The following DMXL2 variants were observed in gnomAD, a reference collection of about 807,000 sequenced individuals.
DMXL2 encodes the protein dmX-like protein 2.
In DMXL2, 103 loss-of-function variants were observed where a neutral mutation model predicts 331.1. That is an observed-to-expected ratio of 0.31 (90% CI 0.27 to 0.37). The LOEUF is 0.37. Among genes scored for constraint, DMXL2 ranks in the 10% least tolerant of loss-of-function variants. The pLI, the probability that DMXL2 is intolerant of heterozygous loss-of-function variation, is 1.00. For synonymous variants in DMXL2, 1,281 were observed against 1,252.1 expected (o/e 1.02, Z -0.49); for missense variants, 3,171 against 3,642.9 (o/e 0.87, Z 3.33).
Position 51,453,529 on chromosome 15 carries a change from T to C in DMXL2, c.8696+21A>G, listed in dbSNP as rs769469101. The C allele has an allele frequency of 3.2e-6, 5 of 1,561,000 alleles. No homozygotes were observed. The South Asian group carries it at 4.7e-5, about 15-fold the overall frequency. ...TTTCTAACGTTTTTATATTTCTTAC[T>C]TTGCTTTTCTGTCAACCTACCTATT... On this transcript the variant is annotated intron_variant, in intron 41 of 43. Transcript: ENST00000560891.
At chr15:51,559,127 C>G (rs2049791860) in intron 6 of DMXL2, among the ~76,000 whole-genome samples, 1 of 152,082 alleles carries the variant, frequency 6.6e-6, no homozygotes, top group Non-Finnish European at 1.5e-5. Flanking sequence ...AAATAGGACT[C>G]AGAAAAACAC....
chr15:51,537,468 A>C lies in DMXL2; in HGVS notation c.1617+20T>G, dbSNP rs375990567. On this transcript the variant is annotated intron_variant, in intron 11 of 43. Coordinates refer to ENST00000560891, the MANE Select transcript of DMXL2 (RefSeq NM_001378457.1). ...TACTATTTTAAGAAATGTAATAACTATTTCATCAATAAAATATACCTGAAC... is the reference window on the plus strand; with the variant it reads ...TACTATTTTAAGAAATGTAATAACTCTTTCATCAATAAAATATACCTGAAC... 2 of 1,578,944 alleles carry C rather than the reference A, an allele frequency of 1.3e-6. No homozygotes were observed. Among genetic ancestry groups the C allele is most frequent in the South Asian group, 1.1e-5 (1 of 87,588 alleles).
At chr15:51,529,291 A>G (rs1458060572) in intron 13 of DMXL2, among the ~76,000 whole-genome samples, 1 of 152,134 alleles carries the variant, frequency 6.6e-6, no homozygotes. Flanking sequence ...AACAAAGAAA[A>G]TCATACAAAG....
At chr15:51,607,281 C>G (rs910116834) in intron 1 of DMXL2, among the ~76,000 whole-genome samples, 1 of 151,662 alleles carries the variant, frequency 6.6e-6, no homozygotes, top group Non-Finnish European at 1.5e-5. Context: ...ACAGTGAAAC[C>G]CCGTCTCTAC....
chr15:51,520,545 G>C (rs1423624255), intron 13 of DMXL2, among the ~76,000 whole-genome samples: 2 of 152,068 alleles, frequency 1.3e-5, no homozygotes, highest in Non-Finnish European at 2.9e-5. Flanking sequence ...TAAGGCCCTG[G>C]CTGTATTTTT....
At chr15:51,544,394 A>G (rs1035734149) in intron 8 of DMXL2, among the ~76,000 whole-genome samples, 1 of 152,164 alleles carries the variant, frequency 6.6e-6, no homozygotes, top group African/African-American at 2.4e-5. Context: ...TGCCATGGGT[A>G]AAAGATCCCT....
At chr15:51,588,767 A>C (rs2052056795) in intron 1 of DMXL2, among the ~76,000 whole-genome samples, 2 of 152,226 alleles carry the variant, frequency 1.3e-5, no homozygotes, top group African/African-American at 4.8e-5. Context: ...AGTATGATGG[A>C]AAGAGCATAT....
intron 1 of DMXL2, among the ~76,000 whole-genome samples, chr15:51,615,070 T>A (rs1310434900): frequency 6.6e-6 from 1 of 152,128 alleles, no homozygotes; most frequent in Admixed American, 6.5e-5. Context: ...ATACGGGACA[T>A]AAATGGAAGA....
intron 13 of DMXL2, among the ~76,000 whole-genome samples, chr15:51,521,755 A>G (rs2047394505): frequency 6.6e-6 from 1 of 152,200 alleles, no homozygotes; most frequent in South Asian, 2.1e-4. Flanking sequence ...GACTCTATAG[A>G]TACAAGATCC....
chr15:51,456,351 G>T lies in DMXL2; in HGVS notation c.8356C>A (p.His2786Asn). The change falls in exon 38 of 44, where the codon CAT (histidine) becomes AAT (asparagine). Residue 2786 changes from histidine (H) to asparagine (N), a missense_variant. Coordinates refer to ENST00000560891, the MANE Select transcript of DMXL2 (RefSeq NM_001378457.1). ...TGTGAAGTCATTCTCTTAACATTAT[G>T]TAGATTCCTTTTCATAAGCTTTAAA... ...GASVLMKRNL[H>N]NVKRMTSHPV... 1.9e-6 allele frequency: 3 copies of T among 1,588,606 alleles called. No homozygotes were observed. Among genetic ancestry groups the T allele is most frequent in the Non-Finnish European group, 2.6e-6 (3 of 1,169,942 alleles).
chr15:51,577,777 A>G (rs1469214440), intron 1 of DMXL2, among the ~76,000 whole-genome samples: 1 of 152,222 alleles, frequency 6.6e-6, no homozygotes, highest in Non-Finnish European at 1.5e-5. Flanking sequence ...TTGAAATCAC[A>G]CACACAGTTT....
chr15:51,604,091 A>T (rs778882198), intron 1 of DMXL2, among the ~76,000 whole-genome samples: 8 of 152,102 alleles, frequency 5.3e-5, no homozygotes, highest in Non-Finnish European at 7.4e-5. Flanking sequence ...GTACTACAAG[A>T]CTGATTCAAT....
chr15:51,506,518 A>G (rs1167063435), intron 16 of DMXL2, among the ~76,000 whole-genome samples: 3 of 148,362 alleles, frequency 2.0e-5, no homozygotes, highest in African/African-American at 7.5e-5. Context: ...CAGTGGTGCA[A>G]TCTCAGCTCA....
chr15:51,488,210 A>G (rs1213448988), intron 21 of DMXL2, 91 bp from the exon 22 acceptor site: 1 of 1,198,610 alleles, frequency 8.3e-7, no homozygotes, highest in Non-Finnish European at 1.1e-6. Flanking sequence ...CCTCAAACAG[A>G]AATCTAAAAG....
chr15:51,538,255 G>T lies in DMXL2; in HGVS notation c.1303C>A (p.Gln435Lys). ...DADREDEEHS[Q>K]EDRERGLHMK... ...TGTAAACCCCGTTCTCTATCCTCCT[G>T]TGAATGTTCCTCATCTTCTCTATCT... The change falls in exon 10 of 44, where the codon CAG becomes AAG. Residue 435 changes from glutamine to lysine, a missense_variant. Coordinates refer to ENST00000560891, the MANE Select transcript of DMXL2 (RefSeq NM_001378457.1). 6.2e-7 allele frequency: 1 copy of T among 1,613,720 alleles called. No individual in the cohort carries two copies. Among genetic ancestry groups the T allele is most frequent in the Non-Finnish European group, 8.5e-7 (1 of 1,179,748 alleles).
chr15:51,538,118 G>C, intron 10 of DMXL2, 95 bp downstream of exon 10: 4 of 1,427,640 alleles, frequency 2.8e-6, no homozygotes, highest in Non-Finnish European at 3.8e-6. Context: ...AAGTAAAAAG[G>C]AGGAAGAGCG....
Position 51,500,088 on chromosome 15 carries a change from A to C in DMXL2, c.3136T>G (p.Tyr1046Asp). 2.5e-6 allele frequency: 4 copies of C among 1,614,206 alleles called. No homozygotes were observed. The highest frequency in any genetic ancestry group is 3.4e-6 in the Non-Finnish European group (4 of 1,180,024). ...ATCAAAGGCCATCTCTTCCAATGAT[A>C]AATTTCTTTCTCATCACTTTTATTA... Reference protein sequence around the residue: ...ECNKSDEKEIYHWKRWPLMND... With the variant: ...ECNKSDEKEIDHWKRWPLMND... Residue 1046 changes from tyrosine to aspartate, a missense_variant, in exon 18 of 44, where the codon TAT (tyrosine) becomes GAT (aspartate). Tyr to Asp is a radical substitution (Grantham distance 160, BLOSUM62 -3). Around this residue, in one of 7 missense-constraint regions of DMXL2, gnomAD observed 1,674 missense variants for 1,780.2 expected, o/e 0.94. Transcript: ENST00000560891.
At chr15:51,450,080 C>G (rs1254097047) in intron 43 of DMXL2, 49 bp downstream of exon 43, 5 of 1,529,310 alleles carry the variant, frequency 3.3e-6, no homozygotes, top group Middle Eastern at 2.0e-4. Flanking sequence ...TTTGTTTTTT[C>G]TCTTTCCAAT....
At chr15:51,621,355 G>A (rs1266800449) in intron 1 of DMXL2, among the ~76,000 whole-genome samples, 2 of 152,134 alleles carry the variant, frequency 1.3e-5, no homozygotes, top group African/African-American at 4.8e-5. Context: ...TTTATTTTCC[G>A]CAGTTTTAAA....
Sources: allele counts gnomAD v4.1 joint callset (sites outside exome capture counted in the v4.1 genomes callset), GRCh38; gene constraint gnomAD v4.1.1; regional missense constraint gnomAD v4.1.1; transcripts MANE v1.5; gene names NCBI Gene and HGNC (gene_info 2026-07-23, HGNC 2026-07-21).